Variants in PKIB observed in about 807,000 individuals in gnomAD.
PKIB encodes cAMP-dependent protein kinase inhibitor beta.
In PKIB, 2 loss-of-function variants were observed where a neutral mutation model predicts 4.5. That is an observed-to-expected ratio of 0.44 (90% CI 0.18 to 1.39). The LOEUF (loss-of-function observed/expected upper bound fraction) is 1.39. Ranked by LOEUF, PKIB falls within the 40% of genes most tolerant of loss-of-function variation. The probability of loss-of-function intolerance (pLI) is 0.27; values close to 1 mark genes in which losing one functional copy is unlikely to be tolerated. For missense variants in PKIB, 94 were observed against 92.6 expected, an observed-to-expected ratio of 1.02 and a Z score of -0.06; for synonymous variants, 38 against 36.0, an observed-to-expected ratio of 1.06 and a Z score of -0.20.
At chr6:122,585,931 C>T (rs1454291663) in exon 3 of PKIB, 1 of 151,922 alleles carries the variant, frequency 6.6e-6, no homozygotes. Context: ...GTTTTTCTTT[C>T]GTTTAAAGAT....
At chr6:122,649,218 TG>T (rs1776448474) in intron 2 of PKIB, among the ~76,000 whole-genome samples, 1 of 152,206 alleles carries the variant, frequency 6.6e-6, no homozygotes, top group South Asian at 2.1e-4. Context: ...ATCTCCAAAC[TG>T]TTGACCACAG....
intron 2 of PKIB, among the ~76,000 whole-genome samples, chr6:122,567,224 G>C (rs1368500503): frequency 6.6e-6 from 1 of 152,184 alleles, no homozygotes; most frequent in African/African-American, 2.4e-5. Flanking sequence ...CTCTCCGAGT[G>C]TGTGCTGCAA....
chr6:122,673,846 C>T (rs1777559716), intron 2 of PKIB, among the ~76,000 whole-genome samples: 1 of 152,106 alleles, frequency 6.6e-6, no homozygotes, highest in African/African-American at 2.4e-5. Flanking sequence ...ATGTGTAATG[C>T]CTGTGATAAG....
intron 1 of PKIB, among the ~76,000 whole-genome samples, chr6:122,611,531 TA>T (rs1301809103): frequency 6.6e-6 from 1 of 152,146 alleles, no homozygotes; most frequent in African/African-American, 2.4e-5. Context: ...AAAAAAATTT[TA>T]AAAAAACTCT....
intron 3 of PKIB, among the ~76,000 whole-genome samples, chr6:122,687,633 T>C (rs1778145923): frequency 6.6e-6 from 1 of 152,200 alleles, no homozygotes; most frequent in Non-Finnish European, 1.5e-5. Context: ...TTGTGTCCTC[T>C]TTAATTTCTT....
At chr6:122,547,137 A>G (rs991884316) in intron 2 of PKIB, among the ~76,000 whole-genome samples, 1 of 152,008 alleles carries the variant, frequency 6.6e-6, no homozygotes, top group African/African-American at 2.4e-5. Flanking sequence ...CTAGTATTTC[A>G]TAGGATCTCT....
intron 3 of PKIB, among the ~76,000 whole-genome samples, chr6:122,707,206 T>C (rs1218062214): frequency 1.3e-5 from 2 of 152,114 alleles, no homozygotes; most frequent in Non-Finnish European, 1.5e-5. Flanking sequence ...GGATTTTTTT[T>C]CCTCTATGAC....
chr6:122,506,969 G>A (rs1006174064), intron 2 of PKIB, among the ~76,000 whole-genome samples: 1 of 151,936 alleles, frequency 6.6e-6, no homozygotes, highest in Non-Finnish European at 1.5e-5. Context: ...CCAAAGTGCT[G>A]GGATTACAAG....
chr6:122,492,808 A>C (rs566357469), intron 2 of PKIB, among the ~76,000 whole-genome samples: 1 of 147,498 alleles, frequency 6.8e-6, no homozygotes, highest in African/African-American at 2.5e-5. Context: ...AATATTCTTT[A>C]CTGGAAGCTT....
intron 1 of PKIB, among the ~76,000 whole-genome samples, chr6:122,614,371 C>T (rs2114769177): frequency 6.6e-6 from 1 of 152,306 alleles, no homozygotes. Context: ...GAAGCAGCAA[C>T]AGAAGCATCT....
At chr6:122,546,303 C>T (rs1197959903) in intron 2 of PKIB, among the ~76,000 whole-genome samples, 5 of 151,782 alleles carry the variant, frequency 3.3e-5, no homozygotes, top group African/African-American at 9.7e-5. Flanking sequence ...ATCCTAAAAC[C>T]TATACCTGGA....
At chr6:122,538,010 C>CA (rs1777460727) in intron 2 of PKIB, among the ~76,000 whole-genome samples, 1 of 152,006 alleles carries the variant, frequency 6.6e-6, no homozygotes, top group Non-Finnish European at 1.5e-5. Context: ...CCTTTGCCCA[C>CA]TTTTTGATGG....
intron 1 of PKIB, among the ~76,000 whole-genome samples, chr6:122,631,017 C>T (rs1243202832): frequency 1.3e-5 from 2 of 152,096 alleles, no homozygotes; most frequent in South Asian, 2.1e-4. Context: ...ATAAAGACTT[C>T]CTTGAGCTGA....
chr6:122,707,662 T>G (rs1779116480), intron 3 of PKIB, among the ~76,000 whole-genome samples: 1 of 152,142 alleles, frequency 6.6e-6, no homozygotes. Flanking sequence ...AAAATTTTAT[T>G]TTTTCAAAAC....
At chr6:122,721,323 G>A (rs1214611370) in intron 4 of PKIB, among the ~76,000 whole-genome samples, 1 of 152,070 alleles carries the variant, frequency 6.6e-6, no homozygotes, top group Non-Finnish European at 1.5e-5. Flanking sequence ...ATTATTTTGG[G>A]TGTTAATGTG....
intron 3 of PKIB, 97 bp from the exon 4 acceptor site, chr6:122,717,690 C>G (rs977647856): frequency 9.5e-6 from 11 of 1,155,664 alleles, no homozygotes; most frequent in Middle Eastern, 2.6e-4. Flanking sequence ...ACTCTCAAGC[C>G]TGTTGTGTTT....
intron 4 of PKIB, among the ~76,000 whole-genome samples, chr6:122,722,124 T>C (rs1779768622): frequency 6.6e-6 from 1 of 152,090 alleles, no homozygotes; most frequent in Non-Finnish European, 1.5e-5. Context: ...AGGAAGCACA[T>C]AATATATGAA....
chr6:122,704,551 G>C (rs1211099990), intron 3 of PKIB, among the ~76,000 whole-genome samples: 1 of 151,956 alleles, frequency 6.6e-6, no homozygotes, highest in Non-Finnish European at 1.5e-5. Context: ...CTAAACTCCA[G>C]GAGAAAAGGT....
At chr6:122,651,781 C>G (rs1776565675) in intron 2 of PKIB, among the ~76,000 whole-genome samples, 1 of 152,192 alleles carries the variant, frequency 6.6e-6, no homozygotes, top group Non-Finnish European at 1.5e-5. Context: ...GTTATTTATA[C>G]AGAGCTTGAA....
Sources: gnomAD v4.1 joint callset for allele counts (sites outside exome capture counted in the v4.1 genomes callset) on GRCh38, gnomAD v4.1.1 for gene constraint, MANE v1.5 for transcripts, NCBI Gene and HGNC (gene_info 2026-07-23, HGNC 2026-07-21) for gene names.